MXRA8: variants seen among roughly 807,000 people sequenced by gnomAD.
MXRA8 encodes the protein matrix remodeling-associated protein 8.
Under a neutral mutation model 51.4 loss-of-function variants are expected in MXRA8, and 44 were observed. That is an observed-to-expected ratio of 0.86 (90% confidence interval 0.67 to 1.10). The LOEUF (loss-of-function observed/expected upper bound fraction) is 1.10. Ranked by LOEUF, MXRA8 falls within the 50% of genes least tolerant of loss-of-function variation. MXRA8 has a pLI of 0.00. For missense variants in MXRA8, 765 were observed against 638.9 expected, an observed-to-expected ratio of 1.20 and a Z score of -2.13; for synonymous variants, 369 against 293.5, an observed-to-expected ratio of 1.26 and a Z score of -2.63.
Position 1,353,913 on chromosome 1 carries a change from ATGT to A in MXRA8, c.1235_1237del (p.Asn412del). On this transcript the variant is annotated inframe_deletion, in exon 9 of 10. Coordinates refer to ENST00000309212, the MANE Select transcript of MXRA8 (RefSeq NM_032348.4). ...GGCCAGCTCCGCCCTCTCCTTCAGG[ATGT>A]TGTTTTTGTAATCTGTGGGAGGAGA... 3 of 1,609,618 alleles carry A rather than the reference ATGT, an allele frequency of 1.9e-6. No individual in the cohort carries two copies. Among genetic ancestry groups the A allele is most frequent in the Non-Finnish European group, 2.5e-6 (3 of 1,178,226 alleles).
chr1:1,355,479 T>C lies in MXRA8; in HGVS notation c.347A>G (p.Asp116Gly). The C allele has an allele frequency of 6.6e-7, 1 of 1,509,516 alleles. No individual in the cohort carries two copies. Among genetic ancestry groups the C allele is most frequent in the Non-Finnish European group, 8.8e-7 (1 of 1,140,160 alleles). The allele number at this position is 1,509,516 out of a possible 1,614,324, so 93.5% of individuals were successfully genotyped here. ...GRLELSASAF[D>G]DGNFSLLIRA... ...GATGAGCAGCGAGAAGTTGCCGTCGTCGAAGGCCGAGGCCGAGAGCTCCAG... is the reference window on the plus strand; with the variant it reads ...GATGAGCAGCGAGAAGTTGCCGTCGCCGAAGGCCGAGGCCGAGAGCTCCAG... The change falls in exon 3 of 10, where the codon GAC becomes GGC. Residue 116 changes from aspartate to glycine, a missense_variant. Physicochemically the swap from Asp to Gly is moderately conservative, Grantham distance 94. Transcript: ENST00000309212.
chr1:1,354,343 G>A lies in MXRA8; in HGVS notation c.1105+11C>T, dbSNP rs779324458. 1.2e-6 allele frequency: 2 copies of A among 1,607,680 alleles called. No homozygotes were observed. The highest frequency in any genetic ancestry group is 1.7e-6 in the Non-Finnish European group (2 of 1,177,672). On this transcript the variant is annotated intron_variant, in intron 6 of 9. Transcript: ENST00000309212. ...CTCCTGGGGCCGCTGGCTTTGCCGGGGCAGCCTCACCTCCGCGGCGCCTGC... is the reference window on the plus strand; with the variant it reads ...CTCCTGGGGCCGCTGGCTTTGCCGGAGCAGCCTCACCTCCGCGGCGCCTGC...
At position 1,353,911 on chromosome 1, in the gene MXRA8, G is replaced by C; in HGVS notation, c.1240C>G (p.Leu414Val). The change falls in exon 9 of 10, where the codon CTG becomes GTG. Residue 414 changes from leucine to valine, a missense_variant. Physicochemically the swap from Leu to Val is conservative, Grantham distance 32. Coordinates refer to ENST00000309212, the MANE Select transcript of MXRA8 (RefSeq NM_032348.4). ...DIQLDYKNNI[L>V]KERAELAHSP... ...TGGGCCAGCTCCGCCCTCTCCTTCA[G>C]GATGTTGTTTTTGTAATCTGTGGGA... 1 of 1,609,952 alleles carries C rather than the reference G, an allele frequency of 6.2e-7. No homozygotes were observed. The highest frequency in any genetic ancestry group is 8.5e-7 in the Non-Finnish European group (1 of 1,178,370).
chr1:1,353,270 G>C lies in MXRA8; in HGVS notation c.*334C>G. On this transcript the variant is annotated 3_prime_UTR_variant, in exon 10 of 10. Transcript: ENST00000309212. ...CTGACCCCAGTTTTGGGGCTGCCAG[G>C]TTCTGATGGGAGTGTCCTCCAGGAA... The C allele has an allele frequency of 6.5e-7, 1 of 1,537,578 alleles. No individual in the cohort carries two copies. Among genetic ancestry groups the C allele is most frequent in the Non-Finnish European group, 8.8e-7 (1 of 1,135,274 alleles).
rs984577937 is a variant in MXRA8, at chr1:1,355,139, G to T, written c.492C>A (p.Pro164=). ...CCTCCTTCTCGCCGTCCCAGTAGGC[G>T]GGGGTGGCCGGGGCTGCGGAGGGGG... ...LEVTDGPPAT[P]AYWDGEKEVL... Residue 164 remains proline, a synonymous_variant, in exon 5 of 10, where the codon CCC becomes CCA. Transcript: ENST00000309212. 3 of 1,431,730 alleles carry T rather than the reference G, an allele frequency of 2.1e-6. No homozygotes were observed. Among genetic ancestry groups the T allele is most frequent in the African/African-American group, 1.5e-5 (1 of 66,636 alleles). 88.7% of individuals were successfully genotyped at this position (1,431,730 alleles called of 1,614,324 possible).
chr1:1,353,229 G>A lies in MXRA8; in HGVS notation c.*375C>T. 7.2e-7 allele frequency: 1 copy of A among 1,381,566 alleles called. No individual in the cohort carries two copies. Among genetic ancestry groups the A allele is most frequent in the Non-Finnish European group, 1.0e-6 (1 of 993,328 alleles). The allele number at this position is 1,381,566 out of a possible 1,614,324, so 85.6% of individuals were successfully genotyped here. A position where few individuals can be genotyped will look rare whatever the true frequency, so the allele number is the denominator to read the frequency against. Reference sequence around the variant, plus strand: ...GACGAGCAGAGCCCTGGAGGAGTGGGACTCCTGCCCTGAGGCTGACCCCAG... The same window carrying A: ...GACGAGCAGAGCCCTGGAGGAGTGGAACTCCTGCCCTGAGGCTGACCCCAG... On this transcript the variant is annotated 3_prime_UTR_variant, in exon 10 of 10. Coordinates refer to ENST00000309212, the MANE Select transcript of MXRA8 (RefSeq NM_032348.4).
At chr1:1,358,708 T>C, upstream of MXRA8, 6 of 1,384,884 alleles carry the variant, frequency 4.3e-6, no homozygotes, top group Non-Finnish European at 5.6e-6. Context: ...AGGGGCAGTG[T>C]GGGAGCAGAG....
rs1043529828 is a variant in MXRA8, at chr1:1,353,618, C to T, written c.1315G>A (p.Glu439Lys). ...YIDLDKGFRKENCK is the reference protein window; with the variant it reads ...YIDLDKGFRKKNCK Reference sequence around the variant, plus strand: ...CCAGGGCCTCCCTATTTGCAGTTCTCCTTCCGGAACCCTGGAAGCCAAGGG... The same window carrying T: ...CCAGGGCCTCCCTATTTGCAGTTCTTCTTCCGGAACCCTGGAAGCCAAGGG... Residue 439 changes from glutamate (E) to lysine (K), a missense_variant, in exon 10 of 10, where the codon GAG becomes AAG. Transcript: ENST00000309212. The T allele has an allele frequency of 7.7e-6, 12 of 1,563,010 alleles. No homozygotes were observed. The highest frequency in any genetic ancestry group is 9.5e-6 in the Non-Finnish European group (11 of 1,152,914).
In MXRA8 at chr1:1,355,099, G is replaced by C; in HGVS notation, c.532C>G (p.Arg178Gly). Residue 178 changes from arginine (R) to glycine (G), a missense_variant, in exon 5 of 10, where the codon CGC becomes GGC. Transcript: ENST00000309212. Reference sequence around the variant, plus strand: ...CAGGTCAGAAGCGCGGGTGCGCCGCGCGCCACCGCCAGCACCTCCTTCTCG... The same window carrying C: ...CAGGTCAGAAGCGCGGGTGCGCCGCCCGCCACCGCCAGCACCTCCTTCTCG... ...DGEKEVLAVA[R>G]GAPALLTCVN... The C allele has an allele frequency of 6.5e-6, 10 of 1,538,710 alleles. No homozygotes were observed. The highest frequency in any genetic ancestry group is 8.7e-6 in the Non-Finnish European group (10 of 1,152,822).
upstream of MXRA8, among the ~76,000 whole-genome samples, chr1:1,362,684 G>A (rs1644234503): frequency 1.3e-5 from 2 of 150,568 alleles, no homozygotes. Context: ...GGGAGGCTGA[G>A]GCAAGAGAAT....
chr1:1,353,805 A>G, intron 9 of MXRA8, 43 bp downstream of exon 9: 1 of 1,531,724 alleles, frequency 6.5e-7, no homozygotes, highest in Non-Finnish European at 8.8e-7. Flanking sequence ...GAATGGGGAC[A>G]GGCAGGGCTC....
Position 1,355,547 on chromosome 1 carries a change from C to G in MXRA8, c.279G>C (p.Ser93=). The G allele has an allele frequency of 1.3e-6, 2 of 1,493,046 alleles. No homozygotes were observed. Among genetic ancestry groups the G allele is most frequent in the Non-Finnish European group, 8.8e-7 (1 of 1,130,396 alleles). 92.5% of individuals were successfully genotyped at this position (1,493,046 alleles called of 1,614,324 possible). ...GPARRLLDLY[S]AGEQRVYEAR... The stretch of plus-strand genomic sequence containing the variant: ...CCTCGTACACGCGCTGCTCGCCCGC[C>G]GAGTACAAGTCCAGCAGGCGCCGCG... Residue 93 remains serine, a synonymous_variant, in exon 3 of 10, where the codon TCG becomes TCC. Transcript: ENST00000309212.
Position 1,358,450 on chromosome 1 carries a change from A to G in MXRA8, c.49+6T>C. The G allele has an allele frequency of 1.2e-6, 2 of 1,602,482 alleles. No individual in the cohort carries two copies. The highest frequency in any genetic ancestry group is 8.5e-7 in the Non-Finnish European group (1 of 1,173,428). ...CCCCACCCGCCTCCCAGGGCCCCACACTCACTCTGCAGAAGCACAAGTTTC... is the reference window on the plus strand; with the variant it reads ...CCCCACCCGCCTCCCAGGGCCCCACGCTCACTCTGCAGAAGCACAAGTTTC... On this transcript the variant is annotated splice_donor_region_variant and intron_variant, in intron 1 of 9. Transcript: ENST00000309212.
upstream of MXRA8, chr1:1,361,472 C>T (rs773767832): frequency 1.7e-4 from 99 of 594,106 alleles, no homozygotes; most frequent in Non-Finnish European, 2.6e-4. Context: ...CGAGGACGGA[C>T]GGACCCAAGG....
chr1:1,359,638 A>G, upstream of MXRA8: 10 of 943,770 alleles, frequency 1.1e-5, no homozygotes, highest in Non-Finnish European at 1.3e-5. Context: ...TGGTGGTCTC[A>G]GGGCGAGGGG....
At chr1:1,363,138 C>G (rs1644238597), upstream of MXRA8, among the ~76,000 whole-genome samples, 1 of 151,782 alleles carries the variant, frequency 6.6e-6, no homozygotes, top group Non-Finnish European at 1.5e-5. Flanking sequence ...CAAAAATTAT[C>G]CGGGTGTGGT....
chr1:1,355,253 T>A lies in MXRA8; in HGVS notation c.469A>T (p.Thr157Ser). Residue 157 changes from threonine (T) to serine (S), a missense_variant, in exon 4 of 10, where the codon ACC (threonine) becomes TCC (serine). Physicochemically the swap from Thr to Ser is moderately conservative, Grantham distance 58. Coordinates refer to ENST00000309212, the MANE Select transcript of MXRA8 (RefSeq NM_032348.4). ...GGGGGGAAGCACTCACGGCCGTCGGTGACCTCCAGGCGGACGGCCAGGCTC... is the reference window on the plus strand; with the variant it reads ...GGGGGGAAGCACTCACGGCCGTCGGAGACCTCCAGGCGGACGGCCAGGCTC... ...YESLAVRLEVTDGPPATPAYW... is the reference protein window; with the variant it reads ...YESLAVRLEVSDGPPATPAYW... The A allele has an allele frequency of 3.9e-6, 6 of 1,558,396 alleles. No individual in the cohort carries two copies. The highest frequency in any genetic ancestry group is 5.2e-6 in the Non-Finnish European group (6 of 1,157,880).
In MXRA8 at chr1:1,358,433, G is replaced by A. The variant is rs770856834; in HGVS notation, c.49+23C>T. ...CAGCCCCACGTGCCACCCCCCACCCGCCTCCCAGGGCCCCACACTCACTCT... is the reference window on the plus strand; with the variant it reads ...CAGCCCCACGTGCCACCCCCCACCCACCTCCCAGGGCCCCACACTCACTCT... On this transcript the variant is annotated intron_variant, in intron 1 of 9. Transcript: ENST00000309212. The A allele has an allele frequency of 4.0e-5, 50 of 1,254,678 alleles. No homozygotes were observed. In the Middle Eastern group the frequency reaches 5.9e-4, roughly 15 times the overall value. The allele number at this position is 1,254,678 out of a possible 1,614,324, so 77.7% of individuals were successfully genotyped here.
In MXRA8 at chr1:1,352,981, G is replaced by A. The variant is rs1644032982; in HGVS notation, c.*623C>T. ...GAAAGGGCAAGGGGTGCAGCCCCAG[G>A]TGGCCCAAAGCAACACAGAGGAGCA... On this transcript the variant is annotated 3_prime_UTR_variant, in exon 10 of 10. Transcript: ENST00000309212. 2 of 487,878 alleles carry A rather than the reference G, an allele frequency of 4.1e-6. No individual in the cohort carries two copies. Among genetic ancestry groups the A allele is most frequent in the African/African-American group, 2.0e-5 (1 of 50,118 alleles). 30.2% of individuals were successfully genotyped at this position (487,878 alleles called of 1,614,324 possible).
Sources: allele counts gnomAD v4.1 joint callset (sites outside exome capture counted in the v4.1 genomes callset), GRCh38; gene constraint gnomAD v4.1.1; transcripts MANE v1.5; gene names NCBI Gene and HGNC (gene_info 2026-07-23, HGNC 2026-07-21).